The following DHX8 variants were observed in gnomAD, a reference collection of about 807,000 sequenced individuals.
DHX8 encodes the protein DEAH-box helicase 8, also known as ATP-dependent RNA helicase DHX8.
In DHX8, 67 loss-of-function variants were observed where a neutral mutation model predicts 140.7. The observed-to-expected ratio is 0.48, with a 90% CI of 0.39 to 0.58. The LOEUF (loss-of-function observed/expected upper bound fraction) is 0.58, where lower values mean the gene tolerates loss of function less well. DHX8 is among the 20% of genes least tolerant of loss of function. DHX8 has a pLI of 0.00. For synonymous variants in DHX8, 533 were observed against 553.2 expected, an observed-to-expected ratio of 0.96 and a Z score of 0.51; for missense variants, 887 against 1,550.7, an observed-to-expected ratio of 0.57 and a Z score of 7.19.
intron 22 of DHX8, among the ~76,000 whole-genome samples, chr17:43,523,081 AAAG>A (rs1970463258): frequency 6.9e-6 from 1 of 144,494 alleles, no homozygotes; most frequent in Non-Finnish European, 1.5e-5. Flanking sequence ...AAAAAAAAAG[AAAG>A]AAAAAAACAA....
At chr17:43,517,524 A>AT (rs1489279712) in intron 18 of DHX8, 16 of 564,964 alleles carry the variant, frequency 2.8e-5, no homozygotes, top group South Asian at 2.6e-4. Context: ...GTGAACACAC[A>AT]TTTTTTCTTA....
At chr17:43,489,998 T>C (rs936088987) in intron 2 of DHX8, among the ~76,000 whole-genome samples, 1 of 152,052 alleles carries the variant, frequency 6.6e-6, no homozygotes, top group African/African-American at 2.4e-5. Flanking sequence ...TTTCATGCCA[T>C]TAAGTAGTGA....
At position 43,524,147 on chromosome 17, in the gene DHX8, G is replaced by T; in HGVS notation, c.*300G>T. The T allele has an allele frequency of 8.1e-7, 1 of 1,237,748 alleles. No individual in the cohort carries two copies. Among genetic ancestry groups the T allele is most frequent in the East Asian group, 4.6e-5 (1 of 21,714 alleles). The allele number at this position is 1,237,748 out of a possible 1,614,324, so 76.7% of individuals were successfully genotyped here. A position where few individuals can be genotyped will look rare whatever the true frequency, so the allele number is the denominator to read the frequency against. On this transcript the variant is annotated 3_prime_UTR_variant, in exon 23 of 23. Transcript: ENST00000262415. ...GGGACAATTTGTGCAGCTCCAGGAT[G>T]GGAAGGTGGAGTGGGTGAGCATCTT...
chr17:43,493,053 G>T lies in DHX8; in HGVS notation c.863+13G>T, dbSNP rs556024804. 4 of 1,606,812 alleles carry T rather than the reference G, an allele frequency of 2.5e-6. No homozygotes were observed. Among genetic ancestry groups the T allele is most frequent in the Middle Eastern group, 1.7e-4 (1 of 5,982 alleles). On this transcript the variant is annotated intron_variant, in intron 6 of 22. Coordinates refer to ENST00000262415, the MANE Select transcript of DHX8 (RefSeq NM_004941.3). Reference sequence around the variant, plus strand: ...TGGAAGGACTAAGGTAATGACTGGTGCTCTTTTGTTCACACCAGTGATGGG... The same window carrying T: ...TGGAAGGACTAAGGTAATGACTGGTTCTCTTTTGTTCACACCAGTGATGGG...
At position 43,489,020 on chromosome 17, in the gene DHX8, T is replaced by C. The variant is rs530088950; in HGVS notation, c.149-429T>C. On this transcript the variant is annotated intron_variant, in intron 1 of 22. Coordinates refer to ENST00000262415, the MANE Select transcript of DHX8 (RefSeq NM_004941.3). Reference sequence around the variant, plus strand: ...TCTTGTTTTGTTTTTTTTGTTTTTTTTTGAGACGGAGTCTCACTCTGTTGC... The same window carrying C: ...TCTTGTTTTGTTTTTTTTGTTTTTTCTTGAGACGGAGTCTCACTCTGTTGC... 2.6e-5 allele frequency among the ~76,000 whole-genome samples: 4 copies of C among 152,310 alleles called. No homozygotes were observed. The East Asian group carries it at 7.7e-4, about 29-fold the overall frequency.
intron 17 of DHX8, among the ~76,000 whole-genome samples, chr17:43,515,771 A>G (rs2154586810): frequency 6.6e-6 from 1 of 152,220 alleles, no homozygotes; most frequent in East Asian, 1.9e-4. Flanking sequence ...CATGTGTAGA[A>G]TGCTGTAGAG....
At chr17:43,494,441 G>A (rs1412538944) in intron 8 of DHX8, among the ~76,000 whole-genome samples, 3 of 152,222 alleles carry the variant, frequency 2.0e-5, no homozygotes, top group Middle Eastern at 3.4e-3. Flanking sequence ...GGTGAAAGTC[G>A]TTGGGCGTGA....
At chr17:43,543,739 C>G (rs1166615954) in intron 3 of DHX8, 1 of 152,236 alleles carries the variant, frequency 6.6e-6, no homozygotes. Flanking sequence ...ACACAATACC[C>G]TCAGAACCTC....
chr17:43,532,618 C>G, intron 2 of DHX8: 1 of 1,485,248 alleles, frequency 6.7e-7, no homozygotes, highest in Non-Finnish European at 9.1e-7. Flanking sequence ...GGGAGACATT[C>G]TGGGCTTAAC....
intron 18 of DHX8, 97 bp downstream of exon 18, chr17:43,517,419 A>G: frequency 7.2e-7 from 1 of 1,383,098 alleles, no homozygotes; most frequent in African/African-American, 1.4e-5. Context: ...TAAATACTTT[A>G]GTAACCTCAT....
chr17:43,532,618 C>A, intron 2 of DHX8: 2 of 1,485,246 alleles, frequency 1.3e-6, no homozygotes, highest in Non-Finnish European at 1.8e-6. Context: ...GGGAGACATT[C>A]TGGGCTTAAC....
chr17:43,489,464 G>A lies in DHX8; in HGVS notation c.164G>A (p.Ser55Asn). 2 of 1,610,002 alleles carry A rather than the reference G, an allele frequency of 1.2e-6. No individual in the cohort carries two copies. The highest frequency in any genetic ancestry group is 1.7e-6 in the Non-Finnish European group (2 of 1,178,554). ...TTATTTGCAGCTGAATTTGTGATCA[G>A]TCTTGCTGAGAAAAATACCACCTTT... ...NDKDLAEFVISLAEKNTTFDT... is the reference protein window; with the variant it reads ...NDKDLAEFVINLAEKNTTFDT... The change falls in exon 2 of 23, where the codon AGT becomes AAT. Residue 55 changes from serine (S) to asparagine (N), a missense_variant. Transcript: ENST00000262415.
chr17:43,530,497 G>C, downstream of DHX8: 1 of 1,227,074 alleles, frequency 8.1e-7, no homozygotes, highest in Non-Finnish European at 1.1e-6. Context: ...GGGGAGGAGG[G>C]AGGGTGAGAT....
intron 2 of DHX8, among the ~76,000 whole-genome samples, chr17:43,534,602 G>C (rs1033250781): frequency 6.6e-6 from 1 of 152,170 alleles, no homozygotes; most frequent in Non-Finnish European, 1.5e-5. Flanking sequence ...GAGTGCCCTG[G>C]AAAATTCCAG....
chr17:43,490,034 C>CCT (rs10629739), intron 2 of DHX8, among the ~76,000 whole-genome samples: 33,860 of 151,800 alleles, frequency 0.22, 3,993 homozygotes, highest in East Asian at 0.32. Flanking sequence ...TTCTGTGATA[C>CCT]CTCTAGGAAA....
chr17:43,520,964 CTTTT>C (rs10672223), intron 20 of DHX8, 85 bp downstream of exon 20: 2,243 of 396,860 alleles, frequency 5.7e-3, no homozygotes, highest in East Asian at 7.5e-3. Context: ...TTGATGTGGA[CTTTT>C]TTTTTTTTTT....
chr17:43,493,398 G>C (rs989501895), intron 6 of DHX8, 47 bp from the exon 7 acceptor site: 3 of 1,597,266 alleles, frequency 1.9e-6, no homozygotes, highest in Non-Finnish European at 2.6e-6. Context: ...TTGGTTGGGG[G>C]AAAAATATTT....
intron 16 of DHX8, among the ~76,000 whole-genome samples, chr17:43,512,013 G>T (rs1969870084): frequency 6.6e-6 from 1 of 152,034 alleles, no homozygotes; most frequent in Non-Finnish European, 1.5e-5. Flanking sequence ...GAGCAAACCA[G>T]ACCCTGTCTC....
At chr17:43,513,556 G>C in intron 17 of DHX8, 54 bp downstream of exon 17, 2 of 1,576,770 alleles carry the variant, frequency 1.3e-6, no homozygotes, top group Non-Finnish European at 1.7e-6. Flanking sequence ...GGGCCTTTCT[G>C]AAACTTTTTT....
Sources: gnomAD v4.1 joint callset for allele counts (sites outside exome capture counted in the v4.1 genomes callset) on GRCh38, gnomAD v4.1.1 for gene constraint, MANE v1.5 for transcripts, NCBI Gene and HGNC (gene_info 2026-07-23, HGNC 2026-07-21) for gene names.